The following IFT88 variants were observed in gnomAD, a reference collection of about 807,000 sequenced individuals.
The protein encoded by IFT88 is intraflagellar transport 88.
In IFT88, 74 loss-of-function variants were observed where a neutral mutation model predicts 119.5. The observed-to-expected ratio is 0.62, with a 90% CI of 0.51 to 0.75. IFT88 has a LOEUF of 0.75. Ranked by LOEUF, IFT88 falls within the 30% of genes least tolerant of loss-of-function variation. IFT88 has a pLI of 0.00. For missense variants in IFT88, 961 were observed against 977.7 expected, an observed-to-expected ratio of 0.98 and a Z score of 0.23; for synonymous variants, 279 against 316.7, an observed-to-expected ratio of 0.88 and a Z score of 1.26.
At chr13:20,605,011 T>C (rs771293059) in intron 12 of IFT88, 24 bp from the exon 13 acceptor site, 99 of 1,169,664 alleles carry the variant, frequency 8.5e-5, no homozygotes, top group Non-Finnish European at 1.1e-4. Context: ...ATTATTCTTT[T>C]TTTCTTCCAT....
intron 2 of IFT88, 81 bp downstream of exon 2, chr13:20,574,556 T>C: frequency 1.5e-6 from 1 of 668,236 alleles, no homozygotes; most frequent in Admixed American, 2.6e-5. Flanking sequence ...GAGTTCTACT[T>C]TATTATGCTT....
intron 24 of IFT88, among the ~76,000 whole-genome samples, chr13:20,681,889 A>G (rs544876751): frequency 6.6e-6 from 1 of 152,360 alleles, no homozygotes; most frequent in East Asian, 1.9e-4. Flanking sequence ...TTGAATAAGA[A>G]GCTTTACCAT....
chr13:20,591,279 A>G (rs1475437541), intron 5 of IFT88, among the ~76,000 whole-genome samples: 1 of 152,100 alleles, frequency 6.6e-6, no homozygotes, highest in African/African-American at 2.4e-5. Flanking sequence ...TGCTTATATG[A>G]TGTATTCTGG....
At chr13:20,608,922 C>A (rs973109610) in intron 13 of IFT88, among the ~76,000 whole-genome samples, 2 of 152,122 alleles carry the variant, frequency 1.3e-5, no homozygotes, top group Non-Finnish European at 2.9e-5. Context: ...CTTGGGGTAA[C>A]AAAAAGGATC....
chr13:20,635,392 A>T (rs1286119359), intron 16 of IFT88, among the ~76,000 whole-genome samples: 1 of 152,212 alleles, frequency 6.6e-6, no homozygotes, highest in Non-Finnish European at 1.5e-5. Context: ...TAAGACACTC[A>T]TCCCCAAGGG....
intron 5 of IFT88, among the ~76,000 whole-genome samples, 153 bp from the exon 6 acceptor site, chr13:20,591,465 A>G (rs879475089): frequency 2.0e-5 from 3 of 152,200 alleles, no homozygotes; most frequent in Non-Finnish European, 1.5e-5. Flanking sequence ...GACATGATTG[A>G]TACATGAGGA....
intron 3 of IFT88, among the ~76,000 whole-genome samples, chr13:20,585,044 CTT>C (rs754014502): frequency 6.1e-4 from 93 of 152,244 alleles, no homozygotes; most frequent in Non-Finnish European, 1.0e-3. Context: ...TCTTCCCTCA[CTT>C]TGTCATGTTC....
intron 20 of IFT88, among the ~76,000 whole-genome samples, chr13:20,652,094 G>T (rs1402452191): frequency 6.6e-6 from 1 of 152,162 alleles, no homozygotes; most frequent in Admixed American, 6.6e-5. Flanking sequence ...CTGTTTAATG[G>T]TTGCAGAGTG....
At chr13:20,663,080 G>C (rs1337354853) in intron 22 of IFT88, among the ~76,000 whole-genome samples, 3 of 152,158 alleles carry the variant, frequency 2.0e-5, no homozygotes, top group Non-Finnish European at 2.9e-5. Flanking sequence ...ATTTAAAAAT[G>C]AATTTACTGA....
chr13:20,647,986 A>G (rs2051001070), intron 20 of IFT88, among the ~76,000 whole-genome samples: 1 of 152,028 alleles, frequency 6.6e-6, no homozygotes, highest in Non-Finnish European at 1.5e-5. Context: ...CCTCAGTAAG[A>G]TTATTAGTAG....
intron 20 of IFT88, among the ~76,000 whole-genome samples, chr13:20,650,880 A>C (rs2051539001): frequency 6.6e-6 from 1 of 152,168 alleles, no homozygotes; most frequent in Non-Finnish European, 1.5e-5. Flanking sequence ...AAAAGAATAA[A>C]ATAATTAGCG....
At chr13:20,629,691 C>G (rs975332279) in intron 15 of IFT88, among the ~76,000 whole-genome samples, 1 of 152,290 alleles carries the variant, frequency 6.6e-6, no homozygotes, top group Middle Eastern at 3.4e-3. Flanking sequence ...TGAGGTCAAA[C>G]ACTGCACAGC....
chr13:20,572,287 C>T (rs2036518915), intron 1 of IFT88, among the ~76,000 whole-genome samples: 1 of 151,954 alleles, frequency 6.6e-6, no homozygotes, highest in South Asian at 2.1e-4. Flanking sequence ...GGCATGATCT[C>T]AGCTCACTGC....
At chr13:20,635,583 A>G (rs2048907468) in intron 16 of IFT88, among the ~76,000 whole-genome samples, 2 of 152,162 alleles carry the variant, frequency 1.3e-5, no homozygotes, top group African/African-American at 4.8e-5. Flanking sequence ...GCCTTCTGAG[A>G]GCATCTTCCT....
Position 20,625,737 on chromosome 13 carries a change from C to G in IFT88, c.1200-13C>G. On this transcript the variant is annotated splice_polypyrimidine_tract_variant and intron_variant, in intron 14 of 25. Coordinates refer to ENST00000351808, the MANE Select transcript of IFT88 (RefSeq NM_006531.5). ...ACAAAATCAAGTAAGGTTTTTTATG[C>G]TTTCCCTTATAGGTGCGTGGAAGTG... The G allele has an allele frequency of 6.4e-7, 1 of 1,552,740 alleles. No individual in the cohort carries two copies. The highest frequency in any genetic ancestry group is 8.7e-7 in the Non-Finnish European group (1 of 1,144,018).
chr13:20,594,684 T>C (rs1204775981), intron 7 of IFT88, among the ~76,000 whole-genome samples: 1 of 152,220 alleles, frequency 6.6e-6, no homozygotes, highest in Non-Finnish European at 1.5e-5. Flanking sequence ...TACATTCAAG[T>C]GTTTCAGACA....
At chr13:20,616,925 CT>C (rs1383574302) in intron 14 of IFT88, among the ~76,000 whole-genome samples, 4 of 151,694 alleles carry the variant, frequency 2.6e-5, no homozygotes, top group Non-Finnish European at 5.9e-5. Context: ...TGGACCAAAA[CT>C]TTTTTTTGGT....
At chr13:20,660,116 A>G (rs2053541471) in intron 22 of IFT88, among the ~76,000 whole-genome samples, 1 of 152,228 alleles carries the variant, frequency 6.6e-6, no homozygotes, top group Non-Finnish European at 1.5e-5. Context: ...AAATAATGTC[A>G]GTAGTTATAA....
At position 20,592,190 on chromosome 13, in the gene IFT88, A is replaced by G. The variant is rs956983019; in HGVS notation, c.329-145A>G. 3.3e-5 allele frequency: 22 copies of G among 660,150 alleles called. 1 individual carries two copies. The Admixed American group carries it at 5.9e-4, about 18-fold the overall frequency. The allele number at this position is 660,150 out of a possible 1,614,324, so 40.9% of individuals were successfully genotyped here. The stretch of plus-strand genomic sequence containing the variant: ...TATATGAAATGTTTATGTAGACACA[A>G]TGTTATCTCCATTTAATAAATAGAT... On this transcript the variant is annotated intron_variant, in intron 6 of 25. Coordinates refer to ENST00000351808, the MANE Select transcript of IFT88 (RefSeq NM_006531.5).
Sources: allele counts gnomAD v4.1 joint callset (sites outside exome capture counted in the v4.1 genomes callset), GRCh38; gene constraint gnomAD v4.1.1; transcripts MANE v1.5; gene names NCBI Gene and HGNC (gene_info 2026-07-23, HGNC 2026-07-21).